Variants in CACNA2D3 observed in about 807,000 individuals in gnomAD.
CACNA2D3 encodes calcium voltage-gated channel auxiliary subunit alpha2delta 3.
A neutral mutation model predicts 160.6 loss-of-function variants in CACNA2D3; 60 were observed. That is an observed-to-expected ratio of 0.37 (90% CI 0.30 to 0.46). The LOEUF (loss-of-function observed/expected upper bound fraction) is 0.46, where lower values mean the gene tolerates loss of function less well. Among genes scored for constraint, CACNA2D3 ranks in the 20% least tolerant of loss-of-function variants. The probability of loss-of-function intolerance (pLI) is 1.00; values close to 1 mark genes in which losing one functional copy is unlikely to be tolerated. For synonymous variants in CACNA2D3, 558 were observed against 492.9 expected (o/e 1.13, Z -1.75); for missense variants, 1,205 against 1,365.0 (o/e 0.88, Z 1.85).
chr3:54,889,762 A>G (rs1575533643), intron 24 of CACNA2D3, among the ~76,000 whole-genome samples: 2 of 152,154 alleles, frequency 1.3e-5, no homozygotes, highest in East Asian at 3.9e-4. Context: ...CATGGCATGG[A>G]TCTTATTTCC....
At chr3:54,354,272 C>T (rs974241206) in intron 3 of CACNA2D3, among the ~76,000 whole-genome samples, 1 of 152,170 alleles carries the variant, frequency 6.6e-6, no homozygotes, top group African/African-American at 2.4e-5. Context: ...TAAGGAGACA[C>T]GATCCAGTTT....
intron 14 of CACNA2D3, among the ~76,000 whole-genome samples, chr3:54,817,842 G>T (rs898426755): frequency 6.6e-6 from 1 of 152,212 alleles, no homozygotes; most frequent in Non-Finnish European, 1.5e-5. Flanking sequence ...GCATGCTAGT[G>T]TGTGACTTGG....
intron 5 of CACNA2D3, among the ~76,000 whole-genome samples, chr3:54,529,175 A>G (rs550805426): frequency 6.6e-6 from 1 of 152,330 alleles, no homozygotes; most frequent in South Asian, 2.1e-4. Flanking sequence ...AGCTACCTCT[A>G]GTGTTTTCTC....
chr3:54,628,885 G>A (rs1234583737), intron 10 of CACNA2D3, among the ~76,000 whole-genome samples: 2 of 152,062 alleles, frequency 1.3e-5, no homozygotes, highest in African/African-American at 2.4e-5. Flanking sequence ...TGTGGAGGAG[G>A]CTACCCAAGA....
chr3:54,683,497 C>T (rs1215138457), intron 11 of CACNA2D3, among the ~76,000 whole-genome samples: 1 of 152,192 alleles, frequency 6.6e-6, no homozygotes, highest in African/African-American at 2.4e-5. Flanking sequence ...TGGACAAGCT[C>T]TCCAGGAGTA....
At chr3:54,294,756 A>G (rs1703301654) in intron 2 of CACNA2D3, among the ~76,000 whole-genome samples, 1 of 152,170 alleles carries the variant, frequency 6.6e-6, no homozygotes, top group Admixed American at 6.5e-5. Flanking sequence ...AAAAATAAAG[A>G]GATAGAGCTG....
chr3:54,429,485 G>C (rs1699957044), intron 4 of CACNA2D3, among the ~76,000 whole-genome samples: 1 of 152,080 alleles, frequency 6.6e-6, no homozygotes, highest in Non-Finnish European at 1.5e-5. Flanking sequence ...CTGTGATTGT[G>C]AATTTCGGCT....
chr3:54,754,895 A>T (rs966823804), intron 12 of CACNA2D3, among the ~76,000 whole-genome samples: 1 of 152,118 alleles, frequency 6.6e-6, no homozygotes, highest in Non-Finnish European at 1.5e-5. Flanking sequence ...TTTTGGAGAG[A>T]GGGGGGTGAC....
At chr3:54,345,950 G>C (rs534197519) in intron 3 of CACNA2D3, among the ~76,000 whole-genome samples, 1 of 152,094 alleles carries the variant, frequency 6.6e-6, no homozygotes, top group Admixed American at 6.5e-5. Flanking sequence ...CTTGTGTCAT[G>C]ACATCTGTCC....
chr3:54,293,726 A>G (rs1261279677), intron 2 of CACNA2D3, among the ~76,000 whole-genome samples: 2 of 152,192 alleles, frequency 1.3e-5, no homozygotes, highest in East Asian at 3.9e-4. Flanking sequence ...TTTTATTTAT[A>G]TGACATTCTG....
chr3:54,633,727 C>T (rs1001550893), intron 10 of CACNA2D3: 3 of 152,354 alleles, frequency 2.0e-5, no homozygotes, highest in Admixed American at 1.3e-4. Context: ...CTCAGTAGTA[C>T]CTACCTCAGA....
intron 14 of CACNA2D3, among the ~76,000 whole-genome samples, chr3:54,827,569 T>G (rs1282359112): frequency 6.6e-6 from 1 of 152,220 alleles, no homozygotes; most frequent in Non-Finnish European, 1.5e-5. Flanking sequence ...TTTATCACTG[T>G]GACATCAGCT....
At chr3:55,033,204 G>A (rs183888166) in intron 35 of CACNA2D3, among the ~76,000 whole-genome samples, 3 of 152,230 alleles carry the variant, frequency 2.0e-5, no homozygotes, top group East Asian at 1.9e-4. Flanking sequence ...TGATGCTTAC[G>A]AATCTTTCTT....
chr3:54,857,954 A>G (rs997791726), intron 17 of CACNA2D3, among the ~76,000 whole-genome samples: 1 of 152,068 alleles, frequency 6.6e-6, no homozygotes, highest in African/African-American at 2.4e-5. Context: ...TAGGCACTTT[A>G]AGGAAATTTG....
At chr3:54,980,931 A>G (rs1029472729) in intron 29 of CACNA2D3, among the ~76,000 whole-genome samples, 1 of 152,206 alleles carries the variant, frequency 6.6e-6, no homozygotes, top group Admixed American at 6.5e-5. Context: ...ACTAAAAGAC[A>G]TTACACTTTT....
chr3:54,718,605 G>A (rs994759558), intron 11 of CACNA2D3, among the ~76,000 whole-genome samples: 1 of 151,888 alleles, frequency 6.6e-6, no homozygotes, highest in East Asian at 1.9e-4. Context: ...ATATCTGGTA[G>A]TATAAGTCTT....
At chr3:55,051,177 G>T (rs568014735) in intron 35 of CACNA2D3, among the ~76,000 whole-genome samples, 2 of 152,170 alleles carry the variant, frequency 1.3e-5, no homozygotes, top group Non-Finnish European at 2.9e-5. Flanking sequence ...GAGGAGAGGT[G>T]CTCTGCTTTT....
At position 54,437,266 on chromosome 3, in the gene CACNA2D3, C is replaced by T. The variant is rs376529799; in HGVS notation, c.381+50492C>T. On this transcript the variant is annotated intron_variant, in intron 4 of 37. Coordinates refer to ENST00000474759, the MANE Select transcript of CACNA2D3 (RefSeq NM_018398.3). Reference sequence around the variant, plus strand: ...ACGACTGTGTTTGCTATGAATGCACCACTTCATTTTTCTGTCCCTTTATTG... The same window carrying T: ...ACGACTGTGTTTGCTATGAATGCACTACTTCATTTTTCTGTCCCTTTATTG... Among the ~76,000 whole-genome samples the T allele has an allele frequency of 3.9e-5, 6 of 152,170 alleles. No individual in the cohort carries two copies. In the East Asian group the frequency reaches 1.2e-3, roughly 29 times the overall value.
intron 11 of CACNA2D3, among the ~76,000 whole-genome samples, chr3:54,728,355 T>G (rs1308948939): frequency 6.6e-6 from 1 of 152,208 alleles, no homozygotes; most frequent in Admixed American, 6.5e-5. Context: ...GTGTCTAATC[T>G]TCTATTAAAT....
Sources: allele counts gnomAD v4.1 joint callset (sites outside exome capture counted in the v4.1 genomes callset), GRCh38; gene constraint gnomAD v4.1.1; transcripts MANE v1.5; gene names NCBI Gene and HGNC (gene_info 2026-07-23, HGNC 2026-07-21).